GSE1: variants seen among roughly 807,000 people sequenced by gnomAD.
The protein encoded by GSE1 is Gse1 coiled-coil protein, also known as genetic suppressor element 1.
In GSE1, 32 loss-of-function variants were observed where a neutral mutation model predicts 112.6. That is an observed-to-expected ratio of 0.28 (90% confidence interval 0.21 to 0.38). The LOEUF is 0.38. Ranked by LOEUF, GSE1 falls within the 10% of genes least tolerant of loss-of-function variation. GSE1 has a pLI of 1.00. For missense variants in GSE1, 2,348 were observed against 1,699.2 expected (o/e 1.38, Z -6.71); for synonymous variants, 1,115 against 735.6 (o/e 1.52, Z -8.35).
intron 1 of GSE1, among the ~76,000 whole-genome samples, chr16:85,300,538 C>A (rs777124004): frequency 6.6e-6 from 1 of 152,226 alleles, no homozygotes; most frequent in Non-Finnish European, 1.5e-5. Flanking sequence ...AATGGACTCA[C>A]ACACACTGCG....
At chr16:85,617,920 C>T (rs867027560) in intron 1 of GSE1, among the ~76,000 whole-genome samples, 1 of 152,160 alleles carries the variant, frequency 6.6e-6, no homozygotes, top group South Asian at 2.1e-4. Flanking sequence ...CCACCTCCCC[C>T]GCAGGACGGC....
At chr16:85,247,088 C>T (rs968706450) in intron 1 of GSE1, among the ~76,000 whole-genome samples, 2 of 152,148 alleles carry the variant, frequency 1.3e-5, no homozygotes, top group South Asian at 2.1e-4. Context: ...TTTGCTGTCC[C>T]GGAAGCTTTC....
At position 85,277,895 on chromosome 16, in the gene GSE1, T is replaced by TC. The variant is rs201629721; in HGVS notation, c.2284-79566dup. ...CTCTGCCTGGGACTGGCCTGTGGAT[T>TC]CCTCCTGGCCTCCACCTCGGGGCTC... On this transcript the variant is annotated intron_variant, in intron 1 of 2. Coordinates refer to the GSE1 transcript ENST00000637419. Among the ~76,000 whole-genome samples, 95 of 152,338 alleles carry TC rather than the reference T, an allele frequency of 6.2e-4. 1 individual carries two copies. In the East Asian group the frequency reaches 0.018, roughly 29 times the overall value.
chr16:85,210,236 A>T (rs964088961), intron 1 of GSE1, among the ~76,000 whole-genome samples: 2 of 152,186 alleles, frequency 1.3e-5, no homozygotes, highest in African/African-American at 4.8e-5. Context: ...TAAAGAAGTA[A>T]CTCATAAGAA....
chr16:85,536,083 T>C (rs1385195830), intron 2 of GSE1, among the ~76,000 whole-genome samples: 1 of 152,142 alleles, frequency 6.6e-6, no homozygotes, highest in Non-Finnish European at 1.5e-5. Context: ...GAGAAAGAGA[T>C]TCAGAAGAAC....
In GSE1 at chr16:85,544,194, C is replaced by T. The variant is rs938951202; in HGVS notation, c.2465-89720C>T. Among the ~76,000 whole-genome samples, 6 of 151,534 alleles carry T rather than the reference C, an allele frequency of 4.0e-5. No homozygotes were observed. The South Asian group carries it at 6.2e-4, about 16-fold the overall frequency. On this transcript the variant is annotated intron_variant, in intron 2 of 2. Transcript: ENST00000637419. ...CTATTGACATCTCGTGGGTCGAGGC[C>T]GGGGATGTTGCTAAACATCCTGCAA...
chr16:85,377,486 C>G (rs1395602517), intron 2 of GSE1, among the ~76,000 whole-genome samples: 5 of 152,224 alleles, frequency 3.3e-5, no homozygotes, highest in Admixed American at 3.3e-4. Context: ...TACCTACCCT[C>G]TCTGTGCCTT....
At chr16:85,294,830 G>A (rs2045323986) in intron 1 of GSE1, among the ~76,000 whole-genome samples, 1 of 152,016 alleles carries the variant, frequency 6.6e-6, no homozygotes, top group African/African-American at 2.4e-5. Context: ...CTTGTGAATT[G>A]AGGTTAATAA....
chr16:85,666,555 C>T (rs901600062), intron 13 of GSE1: 17 of 596,202 alleles, frequency 2.9e-5, no homozygotes, highest in East Asian at 5.7e-5. Flanking sequence ...AGGTGAGAAA[C>T]GTTTGTAGGC....
intron 11 of GSE1, chr16:85,664,758 T>G: frequency 2.4e-6 from 1 of 411,886 alleles, no homozygotes. Context: ...GCACAGTGAT[T>G]CACAGAGGCG....
chr16:85,318,098 G>A (rs887667370), intron 1 of GSE1, among the ~76,000 whole-genome samples: 37 of 152,194 alleles, frequency 2.4e-4, no homozygotes, highest in Non-Finnish European at 3.1e-4. Context: ...GCAGGGACCT[G>A]TGCCCAAGTG....
intron 1 of GSE1, among the ~76,000 whole-genome samples, chr16:85,602,557 C>T (rs1033465332): frequency 2.0e-5 from 3 of 152,034 alleles, no homozygotes; most frequent in African/African-American, 7.3e-5. Context: ...CCTAGGGTGA[C>T]CCGCTGCTCC....
At chr16:85,617,103 G>A (rs773450401) in intron 1 of GSE1, among the ~76,000 whole-genome samples, 1 of 152,196 alleles carries the variant, frequency 6.6e-6, no homozygotes, top group African/African-American at 2.4e-5. Context: ...GGGCCATCCC[G>A]TCTGCCTGGG....
chr16:85,239,683 TC>T (rs757572258), intron 1 of GSE1, among the ~76,000 whole-genome samples: 7 of 152,200 alleles, frequency 4.6e-5, no homozygotes, highest in Non-Finnish European at 1.0e-4. Context: ...TGAGGGCTCT[TC>T]CGGGTAACTC....
At chr16:85,466,373 G>T (rs1044402703) in intron 2 of GSE1, among the ~76,000 whole-genome samples, 1 of 152,236 alleles carries the variant, frequency 6.6e-6, no homozygotes, top group African/African-American at 2.4e-5. Context: ...GGCAGGGGCT[G>T]TGTGAACCCT....
intron 1 of GSE1, among the ~76,000 whole-genome samples, chr16:85,216,832 C>G (rs1269473963): frequency 4.6e-5 from 7 of 152,236 alleles, no homozygotes; most frequent in Non-Finnish European, 1.0e-4. Flanking sequence ...CTGCTCAAAC[C>G]CACTCCTGTC....
In GSE1 at chr16:85,673,958, ACTGTGACAAGCACAGGAACGGT is replaced by A. The variant is rs1283336381; in HGVS notation, c.*1421_*1442del. 6.6e-6 allele frequency: 1 copy of A among 152,242 alleles called. No homozygotes were observed. Among genetic ancestry groups the A allele is most frequent in the Non-Finnish European group, 1.5e-5 (1 of 68,048 alleles). The allele number at this position is 152,242 out of a possible 1,614,324, so 9.4% of individuals were successfully genotyped here. Reference sequence around the variant, plus strand: ...AGCTGAACCCCTCCTTTTTGAACTTACTGTGACAAGCACAGGAACGGTCAGAAACTGGGCTCATCACACCAAG... The same window carrying A: ...AGCTGAACCCCTCCTTTTTGAACTTACAGAAACTGGGCTCATCACACCAAG... On this transcript the variant is annotated 3_prime_UTR_variant, in exon 16 of 16. Coordinates refer to ENST00000253458, the MANE Select transcript of GSE1 (RefSeq NM_014615.5).
intron 1 of GSE1, among the ~76,000 whole-genome samples, chr16:85,266,975 A>G (rs749944708): frequency 6.6e-6 from 1 of 152,030 alleles, no homozygotes; most frequent in Non-Finnish European, 1.5e-5. Context: ...CTGCAGGGGG[A>G]TGGCTCTGCT....
intron 1 of GSE1, among the ~76,000 whole-genome samples, chr16:85,331,705 ATATT>A (rs1165961151): frequency 0.11 from 5,818 of 52,100 alleles, 388 homozygotes; most frequent in Admixed American, 0.2. Context: ...ATATATATAT[ATATT>A]TTTTTTTTTT....
Sources: allele counts gnomAD v4.1 joint callset (sites outside exome capture counted in the v4.1 genomes callset), GRCh38; gene constraint gnomAD v4.1.1; transcripts MANE v1.5; gene names NCBI Gene and HGNC (gene_info 2026-07-23, HGNC 2026-07-21).